Variants in PDCL3 observed in about 807,000 individuals in gnomAD.
The protein encoded by PDCL3 is phosducin like 3.
PDCL3 carries 22 observed loss-of-function variants against 26.5 expected under a neutral mutation model. The ratio of observed to expected loss-of-function variants is 0.83; its 90% confidence interval spans 0.59 to 1.19. PDCL3 has a LOEUF of 1.19. Ranked by LOEUF, PDCL3 falls within the 50% of genes most tolerant of loss-of-function variation. The pLI is 0.00. For missense variants in PDCL3, 246 were observed against 294.1 expected, an observed-to-expected ratio of 0.84 and a Z score of 1.20; for synonymous variants, 81 against 104.9, an observed-to-expected ratio of 0.77 and a Z score of 1.39.
intron 5 of PDCL3, among the ~76,000 whole-genome samples, chr2:100,574,359 T>A (rs1435780117): frequency 3.3e-5 from 5 of 151,692 alleles, no homozygotes; most frequent in Non-Finnish European, 7.4e-5. Flanking sequence ...TTTTTTTTTT[T>A]AAGAAACAGG....
At chr2:100,563,291 C>T (rs916041467) in intron 1 of PDCL3, 1 of 510,726 alleles carries the variant, frequency 2.0e-6, no homozygotes, top group Non-Finnish European at 3.4e-6. Flanking sequence ...GTGCCGGGTC[C>T]CCCAAACCTC....
At chr2:100,563,375 CAA>C in intron 1 of PDCL3, 1 of 385,138 alleles carries the variant, frequency 2.6e-6, no homozygotes, top group Admixed American at 4.8e-5. Flanking sequence ...TCCCGCCTAA[CAA>C]AAGTTACCTC....
chr2:100,570,474 CTTT>C (rs762190373), intron 4 of PDCL3, among the ~76,000 whole-genome samples: 8 of 125,294 alleles, frequency 6.4e-5, no homozygotes, highest in Non-Finnish European at 9.8e-5. Flanking sequence ...TTAGGAATTT[CTTT>C]TTTTTTTTTT....
chr2:100,568,899 T>G lies in PDCL3; in HGVS notation c.134-32T>G, dbSNP rs763816255. ...ATACATGTTCGTTCATCTTTTTAAA[T>G]TTTTGCTTTTTGCCAATGTAACCAA... On this transcript the variant is annotated intron_variant, in intron 2 of 5. Transcript: ENST00000264254. The G allele has an allele frequency of 7.1e-6, 11 of 1,549,120 alleles. No homozygotes were observed. In the South Asian group the frequency reaches 1.2e-4, roughly 17 times the overall value.
rs527461569 is a variant in PDCL3 at position 100,575,404 on chromosome 2, G to A, written c.578-950G>A. ...CCCACCTTGGCCTCCCAAAGTGCTGGGATTACAGGCATGTGCCACCGCGCC... is the reference window on the plus strand; with the variant it reads ...CCCACCTTGGCCTCCCAAAGTGCTGAGATTACAGGCATGTGCCACCGCGCC... On this transcript the variant is annotated intron_variant, in intron 5 of 5. Transcript: ENST00000264254. 3.3e-5 allele frequency among the ~76,000 whole-genome samples: 5 copies of A among 152,248 alleles called. No homozygotes were observed. The South Asian group carries it at 8.3e-4, about 25-fold the overall frequency.
intron 5 of PDCL3, among the ~76,000 whole-genome samples, chr2:100,574,987 G>A (rs56242838): frequency 0.31 from 47,708 of 151,902 alleles, 9,687 homozygotes; most frequent in African/African-American, 0.56. Flanking sequence ...AGTCTCAGCT[G>A]CTAGGGAGAT....
chr2:100,568,857 G>C, intron 2 of PDCL3, 74 bp from the exon 3 acceptor site: 1 of 1,212,286 alleles, frequency 8.2e-7, no homozygotes, highest in Non-Finnish European at 1.2e-6. Context: ...GGAGAAAAGA[G>C]AGGGGAAAAA....
chr2:100,563,256 A>C, intron 1 of PDCL3, 183 bp downstream of exon 1: 3 of 622,856 alleles, frequency 4.8e-6, no homozygotes, highest in South Asian at 6.0e-5. Context: ...ACCAGGACCC[A>C]CGGCCTGGGC....
At chr2:100,564,529 C>G (rs780115069) in intron 1 of PDCL3, among the ~76,000 whole-genome samples, 1 of 152,104 alleles carries the variant, frequency 6.6e-6, no homozygotes, top group Non-Finnish European at 1.5e-5. Flanking sequence ...ATCTCCTGAC[C>G]TGGTGATCTG....
chr2:100,573,730 AAC>A (rs1206274603), intron 5 of PDCL3, among the ~76,000 whole-genome samples: 1 of 152,078 alleles, frequency 6.6e-6, no homozygotes, highest in Middle Eastern at 3.2e-3. Context: ...AACATACATA[AAC>A]ACACACATAT....
intron 4 of PDCL3, among the ~76,000 whole-genome samples, chr2:100,569,979 G>T (rs1344183593): frequency 6.6e-6 from 1 of 152,042 alleles, no homozygotes. Context: ...GCGTGGTCGC[G>T]GGCGCCTATA....
chr2:100,566,609 G>A lies in PDCL3; in HGVS notation c.113G>A (p.Arg38His), dbSNP rs770906319. 6.2e-7 allele frequency: 1 copy of A among 1,613,946 alleles called. No individual in the cohort carries two copies. The highest frequency in any genetic ancestry group is 1.1e-5 in the South Asian group (1 of 91,074). Residue 38 changes from arginine to histidine, a missense_variant, in exon 2 of 6, where the codon CGC (arginine) becomes CAC (histidine). Arg to His is a conservative substitution (Grantham distance 29, BLOSUM62 0). Coordinates refer to ENST00000264254, the MANE Select transcript of PDCL3 (RefSeq NM_024065.5). The stretch of plus-strand genomic sequence containing the variant: ...GAAGAGGAGGCAGAAGAGGAGCAGC[G>A]CATCCTCCAGCAGTCAGTGGGTGAG... ...ELEEEAEEEQ[R>H]ILQQSVVKTY...
intron 4 of PDCL3, 73 bp downstream of exon 4, chr2:100,569,794 A>AT: frequency 7.2e-6 from 11 of 1,525,904 alleles, no homozygotes; most frequent in Non-Finnish European, 9.7e-6. Context: ...GGCGTTACCT[A>AT]TATCAGAGGG....
At chr2:100,569,812 A>T in intron 4 of PDCL3, 91 bp downstream of exon 4, 3 of 1,470,474 alleles carry the variant, frequency 2.0e-6, no homozygotes, top group Non-Finnish European at 2.7e-6. Context: ...GGGTTAAGAA[A>T]TTTTTTTTTC....
intron 5 of PDCL3, among the ~76,000 whole-genome samples, chr2:100,574,431 T>C (rs1675239564): frequency 6.6e-6 from 1 of 152,146 alleles, no homozygotes; most frequent in Admixed American, 6.6e-5. Flanking sequence ...TTACTCATCT[T>C]CGTGGAACAC....
At chr2:100,572,237 A>G (rs1303569571) in intron 5 of PDCL3, among the ~76,000 whole-genome samples, 1 of 152,126 alleles carries the variant, frequency 6.6e-6, no homozygotes, top group Non-Finnish European at 1.5e-5. Context: ...TTTGAGACAG[A>G]GTCTTGCTCT....
intron 5 of PDCL3, among the ~76,000 whole-genome samples, chr2:100,576,120 A>T (rs1014288597): frequency 6.6e-6 from 1 of 152,092 alleles, no homozygotes; most frequent in Non-Finnish European, 1.5e-5. Flanking sequence ...ACTGCTGCCC[A>T]GGCTGGAGTG....
At chr2:100,565,276 T>A (rs959772145) in intron 1 of PDCL3, among the ~76,000 whole-genome samples, 3 of 39,236 alleles carry the variant, frequency 7.6e-5, no homozygotes, top group Non-Finnish European at 1.3e-4. Flanking sequence ...GCCTGGAAGA[T>A]TTTTTTTTTT....
At chr2:100,574,749 C>T (rs757854778) in intron 5 of PDCL3, among the ~76,000 whole-genome samples, 1 of 152,210 alleles carries the variant, frequency 6.6e-6, no homozygotes, top group Non-Finnish European at 1.5e-5. Flanking sequence ...TCTCCCATTT[C>T]CACTCCTCCC....
Sources: gnomAD v4.1 joint callset for allele counts (sites outside exome capture counted in the v4.1 genomes callset) on GRCh38, gnomAD v4.1.1 for gene constraint, MANE v1.5 for transcripts, NCBI Gene and HGNC (gene_info 2026-07-23, HGNC 2026-07-21) for gene names.